Variants in THADA observed in about 807,000 individuals in gnomAD.
THADA encodes THADA armadillo repeat containing, also known as tRNA (32-2'-O)-methyltransferase regulator THADA.
A neutral mutation model predicts 219.8 loss-of-function variants in THADA; 213 were observed. That is an observed-to-expected ratio of 0.97 (90% CI 0.87 to 1.09). THADA has a LOEUF of 1.09. THADA is among the 50% of genes least tolerant of loss of function. The pLI, the probability that THADA is intolerant of heterozygous loss-of-function variation, is 0.00. For missense variants in THADA, 2,956 were observed against 2,311.3 expected (o/e 1.28, Z -5.72); for synonymous variants, 1,018 against 828.9 (o/e 1.23, Z -3.92).
chr2:43,502,786 G>T (rs1005933036), intron 24 of THADA, among the ~76,000 whole-genome samples: 1 of 151,860 alleles, frequency 6.6e-6, no homozygotes, highest in African/African-American at 2.4e-5. Context: ...AACATAGTTT[G>T]GGAGAATATA....
chr2:43,377,440 A>G (rs1237267968), intron 29 of THADA, among the ~76,000 whole-genome samples: 1 of 152,170 alleles, frequency 6.6e-6, no homozygotes, highest in African/African-American at 2.4e-5. Context: ...ATGGCAAGAA[A>G]GGGAATCTCC....
intron 22 of THADA, among the ~76,000 whole-genome samples, chr2:43,524,426 T>C (rs1030732998): frequency 2.0e-5 from 3 of 152,226 alleles, no homozygotes; most frequent in African/African-American, 7.2e-5. Flanking sequence ...CTTTAAGTGC[T>C]TCCTTCCTTA....
chr2:43,563,808 G>C (rs542966628), intron 15 of THADA: 1 of 152,130 alleles, frequency 6.6e-6, no homozygotes, highest in Non-Finnish European at 1.5e-5. Context: ...TGATAATGAA[G>C]GATGAATTTA....
intron 26 of THADA, among the ~76,000 whole-genome samples, chr2:43,484,094 T>TA (rs1053288734): frequency 5.3e-5 from 8 of 149,922 alleles, no homozygotes; most frequent in Non-Finnish European, 8.9e-5. Context: ...AATACTCAGT[T>TA]AAAAAAAAAA....
At chr2:43,356,163 T>C (rs1668852362) in intron 29 of THADA, among the ~76,000 whole-genome samples, 1 of 152,138 alleles carries the variant, frequency 6.6e-6, no homozygotes, top group African/African-American at 2.4e-5. Context: ...AAAGGTGACA[T>C]TTGAACAGTA....
chr2:43,456,808 T>C (rs1189471694), intron 26 of THADA, among the ~76,000 whole-genome samples: 17 of 152,162 alleles, frequency 1.1e-4, no homozygotes, highest in Admixed American at 9.8e-4. Flanking sequence ...AGGAAATTAG[T>C]ATAAATTACA....
chr2:43,238,696 G>A (rs1196157453), intron 36 of THADA, among the ~76,000 whole-genome samples: 1 of 152,212 alleles, frequency 6.6e-6, no homozygotes, highest in African/African-American at 2.4e-5. Flanking sequence ...GAGCCAAGAT[G>A]TGGAAATAAC....
intron 31 of THADA, among the ~76,000 whole-genome samples, chr2:43,309,535 A>C (rs914440488): frequency 6.6e-6 from 1 of 152,248 alleles, no homozygotes; most frequent in African/African-American, 2.4e-5. Context: ...TGACAGAATG[A>C]AGGATAAAAT....
chr2:43,466,954 G>T (rs931969609), intron 26 of THADA, among the ~76,000 whole-genome samples: 2 of 151,288 alleles, frequency 1.3e-5, no homozygotes, highest in Non-Finnish European at 2.9e-5. Flanking sequence ...AGGCCGAGGC[G>T]GGCGGATCAC....
At chr2:43,438,894 T>C (rs1484979174) in intron 26 of THADA, among the ~76,000 whole-genome samples, 1 of 152,200 alleles carries the variant, frequency 6.6e-6, no homozygotes, top group African/African-American at 2.4e-5. Flanking sequence ...CAATATATTG[T>C]AATAAAAGTT....
At chr2:43,320,595 G>A in intron 30 of THADA, 55 bp from the exon 31 acceptor site, 1 of 1,351,484 alleles carries the variant, frequency 7.4e-7, no homozygotes, top group Non-Finnish European at 1.0e-6. Context: ...TTAGGTCTGG[G>A]TCTCAGGAAG....
chr2:43,454,245 ATAAG>A (rs1682711665), intron 26 of THADA, among the ~76,000 whole-genome samples: 1 of 152,206 alleles, frequency 6.6e-6, no homozygotes, highest in Non-Finnish European at 1.5e-5. Context: ...CAATATACAA[ATAAG>A]TAAGTAGAAG....
At position 43,541,324 on chromosome 2, in the gene THADA, A is replaced by G. The variant is rs1208409769; in HGVS notation, c.3107-8T>C. On this transcript the variant is annotated splice_polypyrimidine_tract_variant and splice_region_variant and intron_variant, in intron 20 of 37. Transcript: ENST00000405975. ...ATGTTTTTACTTCTTTACCTTAAAC[A>G]AAAAAAAACACAACGATTGCAACCT... The G allele has an allele frequency of 1.9e-6, 3 of 1,593,346 alleles. No homozygotes were observed. Among genetic ancestry groups the G allele is most frequent in the Non-Finnish European group, 2.6e-6 (3 of 1,170,216 alleles).
At chr2:43,584,778 G>C (rs1559025992) in intron 7 of THADA, among the ~76,000 whole-genome samples, 1 of 152,114 alleles carries the variant, frequency 6.6e-6, no homozygotes, top group Non-Finnish European at 1.5e-5. Context: ...GTTGGCACTA[G>C]GTACTCCTTG....
Position 43,485,220 on chromosome 2 carries a change from T to G in THADA, c.3836+14A>C. 6.3e-7 allele frequency: 1 copy of G among 1,595,668 alleles called. No homozygotes were observed. The highest frequency in any genetic ancestry group is 8.6e-7 in the Non-Finnish European group (1 of 1,167,474). On this transcript the variant is annotated intron_variant, in intron 26 of 37. Coordinates refer to ENST00000405975, the MANE Select transcript of THADA (RefSeq NM_022065.5). ...TTTTTAAAAAAAGTAAAGTTAGCCT[T>G]AAATGGAGCTTACCTATTTGTTTTG... is the stretch of plus-strand genomic sequence containing the variant.
chr2:43,586,159 G>A (rs1004974957), intron 7 of THADA, among the ~76,000 whole-genome samples: 4 of 152,060 alleles, frequency 2.6e-5, no homozygotes, highest in African/African-American at 4.8e-5. Flanking sequence ...CAGCTACGTG[G>A]GAAGCTGAGG....
chr2:43,560,500 T>A (rs1574261797), intron 15 of THADA, 115 bp from the exon 16 acceptor site: 1 of 646,124 alleles, frequency 1.5e-6, no homozygotes, highest in Non-Finnish European at 2.4e-6. Flanking sequence ...ACTTCATACT[T>A]TACCCATGAT....
intron 36 of THADA, among the ~76,000 whole-genome samples, chr2:43,248,212 G>GAGAC (rs1558464775): frequency 7.5e-6 from 1 of 133,302 alleles, no homozygotes; most frequent in South Asian, 2.5e-4. Context: ...GAGAGAGAGA[G>GAGAC]AGACAGAGAG....
At chr2:43,463,013 G>C (rs549599721) in intron 26 of THADA, 11 of 152,334 alleles carry the variant, frequency 7.2e-5, no homozygotes, top group Admixed American at 6.5e-4. Context: ...GCAACAGTTT[G>C]AGGGTGAGGG....
Sources: gnomAD v4.1 joint callset for allele counts (sites outside exome capture counted in the v4.1 genomes callset) on GRCh38, gnomAD v4.1.1 for gene constraint, MANE v1.5 for transcripts, NCBI Gene and HGNC (gene_info 2026-07-23, HGNC 2026-07-21) for gene names.